Variants in PRKCH observed in about 807,000 individuals in gnomAD.
PRKCH encodes protein kinase C eta, also known as protein kinase C eta type.
Under a neutral mutation model 82.5 loss-of-function variants are expected in PRKCH, and 28 were observed. That is an observed-to-expected ratio of 0.34 (90% CI 0.25 to 0.47). PRKCH has a LOEUF of 0.47. Among genes scored for constraint, PRKCH ranks in the 20% least tolerant of loss-of-function variants. The pLI is 1.00. For missense variants in PRKCH, 705 were observed against 881.8 expected (o/e 0.80, Z 2.54); for synonymous variants, 322 against 327.4 (o/e 0.98, Z 0.18).
intron 10 of PRKCH, among the ~76,000 whole-genome samples, chr14:61,494,978 G>A (rs1368480604): frequency 1.3e-5 from 2 of 152,200 alleles, no homozygotes; most frequent in African/African-American, 4.8e-5. Context: ...TATGTGACAG[G>A]TTGTACAACC....
chr14:61,220,002 A>G (rs1401438080), intron 1 of PRKCH, among the ~76,000 whole-genome samples: 3 of 152,184 alleles, frequency 2.0e-5, no homozygotes, highest in African/African-American at 7.2e-5. Context: ...CCTTTCACTA[A>G]AGGACTAAAG....
At position 61,322,047 on chromosome 14, in the gene PRKCH, G is replaced by T. The variant is rs1416528355; in HGVS notation, c.-55G>T. 1.3e-6 allele frequency: 2 copies of T among 1,484,222 alleles called. No homozygotes were observed. The highest frequency in any genetic ancestry group is 4.6e-5 in the Admixed American group (2 of 43,794). 91.9% of individuals were successfully genotyped at this position (1,484,222 alleles called of 1,614,324 possible). A position where few individuals can be genotyped will look rare whatever the true frequency, so the allele number is the denominator to read the frequency against. ...AGGGCTGGCCTGAGACGGGACTCCC[G>T]GTTCTCCCGCTGCGAAGCAGCGCGG... On this transcript the variant is annotated 5_prime_UTR_variant, in exon 1 of 14. Transcript: ENST00000332981.
chr14:61,512,051 T>C (rs1013243003), intron 10 of PRKCH, among the ~76,000 whole-genome samples: 9 of 152,162 alleles, frequency 5.9e-5, no homozygotes, highest in African/African-American at 2.2e-4. Context: ...CAGTTGATTC[T>C]GTTTCTTAAT....
At chr14:61,338,502 C>G (rs1446459058) in intron 1 of PRKCH, among the ~76,000 whole-genome samples, 2 of 152,100 alleles carry the variant, frequency 1.3e-5, no homozygotes, top group African/African-American at 4.8e-5. Context: ...CTAGGTTCCT[C>G]AAACAAAATG....
chr14:61,487,329 G>C (rs1327123129), intron 10 of PRKCH, among the ~76,000 whole-genome samples: 3 of 152,200 alleles, frequency 2.0e-5, no homozygotes, highest in Non-Finnish European at 2.9e-5. Flanking sequence ...ATCTCTGCTC[G>C]TTCTTAGGTC....
At chr14:61,463,221 G>T (rs1307135611) in intron 9 of PRKCH, 1 of 152,170 alleles carries the variant, frequency 6.6e-6, no homozygotes, top group African/African-American at 2.4e-5. Context: ...ATTTTGTACA[G>T]TGCGAAGTGC....
intron 2 of PRKCH, among the ~76,000 whole-genome samples, chr14:61,420,713 G>A (rs1470563365): frequency 6.6e-6 from 1 of 152,204 alleles, no homozygotes. Context: ...GATTGAGTAA[G>A]CACAATTCAT....
intron 1 of PRKCH, among the ~76,000 whole-genome samples, chr14:61,363,353 C>T (rs1191662112): frequency 3.9e-5 from 6 of 152,082 alleles, no homozygotes; most frequent in South Asian, 4.1e-4. Flanking sequence ...TAGCAGGAAC[C>T]GATCATGATA....
intron 9 of PRKCH, among the ~76,000 whole-genome samples, chr14:61,471,780 A>G (rs536918631): frequency 6.6e-6 from 1 of 152,250 alleles, no homozygotes; most frequent in Non-Finnish European, 1.5e-5. Flanking sequence ...AAATACCAGC[A>G]GCACCTCTCC....
intron 7 of PRKCH, among the ~76,000 whole-genome samples, chr14:61,454,385 G>T (rs574450645): frequency 6.6e-6 from 1 of 152,266 alleles, no homozygotes; most frequent in South Asian, 2.1e-4. Context: ...TTACAGGCAT[G>T]AGCTGCCACG....
At chr14:61,337,139 AATT>A (rs1321253992) in intron 1 of PRKCH, among the ~76,000 whole-genome samples, 11 of 81,712 alleles carry the variant, frequency 1.3e-4, no homozygotes, top group Non-Finnish European at 2.2e-4. Context: ...GGACACCAAC[AATT>A]TTTTTTTTTT....
At chr14:61,247,295 A>T (rs1297534804) in intron 1 of PRKCH, among the ~76,000 whole-genome samples, 1 of 152,040 alleles carries the variant, frequency 6.6e-6, no homozygotes, top group African/African-American at 2.4e-5. Flanking sequence ...CTGTAGGAAC[A>T]CAACGTATAC....
chr14:61,357,430 A>T (rs1214842387), intron 1 of PRKCH, among the ~76,000 whole-genome samples: 1 of 152,210 alleles, frequency 6.6e-6, no homozygotes, highest in Non-Finnish European at 1.5e-5. Context: ...CTCCAGGGGT[A>T]TCCCATCTGC....
intron 1 of PRKCH, among the ~76,000 whole-genome samples, chr14:61,374,330 G>A (rs545226387): frequency 6.6e-6 from 1 of 152,238 alleles, no homozygotes; most frequent in African/African-American, 2.4e-5. Context: ...CAAGCTGTCA[G>A]TGGATCTACC....
chr14:61,280,760 C>A lies in PRKCH; in HGVS notation c.-19+93092C>A. The A allele has an allele frequency of 2.6e-6, 4 of 1,559,014 alleles. No homozygotes were observed. The highest frequency in any genetic ancestry group is 3.4e-6 in the Non-Finnish European group (4 of 1,160,334). On this transcript the variant is annotated intron_variant, in intron 1 of 3. Coordinates refer to the PRKCH transcript ENST00000555185. The surrounding 1 kb of genome is among the most constrained non-coding windows in gnomAD (Gnocchi z 5.0). ...CTGGGGAGTCCGCTCAGCTGCGCGTCGTCGCGGGACACGCCGTAGCGCCGG... is the reference window on the plus strand; with the variant it reads ...CTGGGGAGTCCGCTCAGCTGCGCGTAGTCGCGGGACACGCCGTAGCGCCGG...
intron 2 of PRKCH, among the ~76,000 whole-genome samples, chr14:61,428,112 C>CACATATATATAT (rs1391102641): frequency 0.012 from 1,696 of 145,532 alleles, 38 homozygotes; most frequent in East Asian, 0.11. Context: ...TATATACACA[C>CACATATATATAT]ATATATATAT....
chr14:61,319,242 C>T (rs942440985), upstream of PRKCH, among the ~76,000 whole-genome samples: 4 of 152,234 alleles, frequency 2.6e-5, no homozygotes, highest in Non-Finnish European at 5.9e-5. Flanking sequence ...CATCTGTCTC[C>T]TCAGGAGCTC....
intron 1 of PRKCH, among the ~76,000 whole-genome samples, chr14:61,311,375 G>A (rs1012865485): frequency 5.3e-5 from 8 of 152,168 alleles, no homozygotes; most frequent in Non-Finnish European, 1.2e-4. Flanking sequence ...TTGGCAAAAG[G>A]ATAGCTCCAG....
intron 12 of PRKCH, among the ~76,000 whole-genome samples, chr14:61,542,494 A>G (rs572768027): frequency 6.6e-6 from 1 of 152,274 alleles, no homozygotes; most frequent in Middle Eastern, 3.4e-3. Context: ...TGAACAACAT[A>G]GGAAGATCTT....
Sources: gnomAD v4.1 joint callset for allele counts (sites outside exome capture counted in the v4.1 genomes callset) on GRCh38, gnomAD v4.1.1 for gene constraint, Gnocchi (gnomAD v3.1) non-coding constraint, MANE v1.5 for transcripts, NCBI Gene and HGNC (gene_info 2026-07-23, HGNC 2026-07-21) for gene names.